Variants in CARMIL1 observed in about 807,000 individuals in gnomAD.
CARMIL1 encodes the protein capping protein regulator and myosin 1 linker 1, also known as F-actin-uncapping protein LRRC16A.
Under a neutral mutation model 177.1 loss-of-function variants are expected in CARMIL1, and 90 were observed. That is an observed-to-expected ratio of 0.51 (90% CI 0.43 to 0.61). CARMIL1 has a LOEUF of 0.61. Among genes scored for constraint, CARMIL1 ranks in the 20% least tolerant of loss-of-function variants. The pLI is 0.00. For synonymous variants in CARMIL1, 577 were observed against 606.2 expected (o/e 0.95, Z 0.71); for missense variants, 1,380 against 1,667.0 (o/e 0.83, Z 3.00).
At chr6:25,529,545 G>C (rs941196942) in intron 24 of CARMIL1, among the ~76,000 whole-genome samples, 1 of 152,036 alleles carries the variant, frequency 6.6e-6, no homozygotes, top group African/African-American at 2.4e-5. Context: ...ATGAACAAAG[G>C]AATTGAGCTC....
intron 2 of CARMIL1, among the ~76,000 whole-genome samples, chr6:25,401,931 C>T (rs978416784): frequency 4.6e-5 from 7 of 151,488 alleles, no homozygotes; most frequent in African/African-American, 7.3e-5. Flanking sequence ...TTAATCAGTC[C>T]GCATTTCTCA....
chr6:25,603,688 C>T (rs1469085053), intron 33 of CARMIL1, among the ~76,000 whole-genome samples: 2 of 152,170 alleles, frequency 1.3e-5, no homozygotes, highest in African/African-American at 4.8e-5. Flanking sequence ...TACTGGTCCA[C>T]AGTGTTTTTG....
chr6:25,600,597 A>G lies in CARMIL1; in HGVS notation c.3403A>G (p.Ser1135Gly). ...AAAAACACCTGACTCCTTTGAAGAGAGTCAAGGGGAAGAAATAGGGAAGGT... is the reference window on the plus strand; with the variant it reads ...AAAAACACCTGACTCCTTTGAAGAGGGTCAAGGGGAAGAAATAGGGAAGGT... ...EIKTPDSFEE[S>G]QGEEIGKVER... Residue 1135 changes from serine to glycine, a missense_variant, in exon 33 of 37, where the codon AGT becomes GGT. Coordinates refer to ENST00000329474, the MANE Select transcript of CARMIL1 (RefSeq NM_017640.6). The G allele has an allele frequency of 6.2e-7, 1 of 1,613,960 alleles. No homozygotes were observed. Among genetic ancestry groups the G allele is most frequent in the Non-Finnish European group, 8.5e-7 (1 of 1,179,882 alleles).
chr6:25,374,441 T>C (rs1009933566), intron 2 of CARMIL1, among the ~76,000 whole-genome samples: 1 of 152,228 alleles, frequency 6.6e-6, no homozygotes, highest in Non-Finnish European at 1.5e-5. Context: ...TTTTGTGGCC[T>C]ATCATATGAT....
Position 25,551,063 on chromosome 6 carries a change from A to G in CARMIL1, c.2482A>G (p.Ile828Val), listed in dbSNP as rs766000047. The G allele has an allele frequency of 3.1e-6, 5 of 1,612,922 alleles. No individual in the cohort carries two copies. Among genetic ancestry groups the G allele is most frequent in the Non-Finnish European group, 4.2e-6 (5 of 1,179,376 alleles). ...VKNVLLEQSG[I>V]DILNKISEVK... ...AAATGTCCTGTTGGAGCAGTCTGGA[A>G]TTGATATCCTTAACAAAATTAGGTA... The change falls in exon 27 of 37, where the codon ATT becomes GTT. Residue 828 changes from isoleucine to valine, a missense_variant. Coordinates refer to ENST00000329474, the MANE Select transcript of CARMIL1 (RefSeq NM_017640.6).
At chr6:25,588,823 C>G (rs530379488) in intron 31 of CARMIL1, among the ~76,000 whole-genome samples, 1 of 152,162 alleles carries the variant, frequency 6.6e-6, no homozygotes, top group Non-Finnish European at 1.5e-5. Flanking sequence ...ACTCAATATT[C>G]AAGGGAATAT....
At chr6:25,316,258 G>A (rs749660500) in intron 2 of CARMIL1, among the ~76,000 whole-genome samples, 3 of 152,150 alleles carry the variant, frequency 2.0e-5, no homozygotes, top group African/African-American at 7.2e-5. Flanking sequence ...ATTGCATGGT[G>A]TGAGGAGTGG....
chr6:25,527,039 TG>T (rs1465400389), intron 23 of CARMIL1, among the ~76,000 whole-genome samples: 1 of 152,218 alleles, frequency 6.6e-6, no homozygotes, highest in Non-Finnish European at 1.5e-5. Context: ...ACAGATTTTT[TG>T]TGTTTCGTTT....
intron 2 of CARMIL1, among the ~76,000 whole-genome samples, chr6:25,339,424 G>A (rs1044101574): frequency 6.6e-6 from 1 of 152,190 alleles, no homozygotes; most frequent in Non-Finnish European, 1.5e-5. Flanking sequence ...CACAGGGGAA[G>A]GACATCTTTT....
At chr6:25,520,096 T>A in intron 22 of CARMIL1, 148 bp from the exon 23 acceptor site, 1 of 488,598 alleles carries the variant, frequency 2.0e-6, no homozygotes, top group East Asian at 3.0e-5. Flanking sequence ...AAGGATAATC[T>A]GCAATCTAGG....
chr6:25,320,873 T>G (rs1328660830), intron 2 of CARMIL1, among the ~76,000 whole-genome samples: 1 of 152,216 alleles, frequency 6.6e-6, no homozygotes, highest in East Asian at 1.9e-4. Flanking sequence ...TAAAATACGC[T>G]AACACTAATG....
chr6:25,505,451 A>G (rs1489155522), intron 17 of CARMIL1, among the ~76,000 whole-genome samples: 1 of 151,876 alleles, frequency 6.6e-6, no homozygotes, highest in East Asian at 1.9e-4. Context: ...TGGATCTTTC[A>G]TTCTCTCTTT....
chr6:25,570,136 T>A (rs1230541507), intron 29 of CARMIL1, among the ~76,000 whole-genome samples: 1 of 152,152 alleles, frequency 6.6e-6, no homozygotes, highest in Non-Finnish European at 1.5e-5. Context: ...AGCTAATTTT[T>A]TGTATTTTTA....
At chr6:25,439,849 A>T (rs1797572416) in intron 5 of CARMIL1, among the ~76,000 whole-genome samples, 1 of 152,146 alleles carries the variant, frequency 6.6e-6, no homozygotes. Flanking sequence ...AAAATGGGAG[A>T]TAAAAGCATA....
chr6:25,550,124 C>T (rs111351063), intron 26 of CARMIL1, among the ~76,000 whole-genome samples: 5 of 152,316 alleles, frequency 3.3e-5, no homozygotes, highest in African/African-American at 9.6e-5. Context: ...CCATCTCAGA[C>T]AAATCATTTA....
In CARMIL1 at chr6:25,596,586, C is replaced by A. The variant is rs190871514; in HGVS notation, c.3119+2059C>A. On this transcript the variant is annotated intron_variant, in intron 32 of 36. Coordinates refer to ENST00000329474, the MANE Select transcript of CARMIL1 (RefSeq NM_017640.6). ...TTTCATTTTTAGATAGTACTGTAACCGCTAACTTCTTACTTAAATGATGAT... is the reference window on the plus strand; with the variant it reads ...TTTCATTTTTAGATAGTACTGTAACAGCTAACTTCTTACTTAAATGATGAT... 2.0e-5 allele frequency among the ~76,000 whole-genome samples: 3 copies of A among 151,924 alleles called. No homozygotes were observed. The East Asian group carries it at 5.8e-4, about 29-fold the overall frequency.
intron 2 of CARMIL1, among the ~76,000 whole-genome samples, chr6:25,357,908 G>T (rs1162091618): frequency 6.6e-6 from 1 of 152,158 alleles, no homozygotes; most frequent in Non-Finnish European, 1.5e-5. Context: ...TTATCTCAGA[G>T]TTTGAAATCG....
Position 25,449,980 on chromosome 6 carries a change from G to T in CARMIL1, c.454G>T (p.Glu152Ter). The change falls in exon 6 of 37, where the codon GAG becomes TAG. Residue 152 changes from glutamate (E) to a stop codon, truncating the protein, a stop_gained. Transcript: ENST00000329474. LOFTEE classifies it high-confidence loss of function. ...GCTGTGGGACAGCCAGACCGTGGCT[G>T]AGCAGGGCCCCTGTGGTGAGCATGC... ...QALWDSQTVA[E>*]QGPCGGFSQM... The T allele has an allele frequency of 1.9e-6, 3 of 1,610,116 alleles. No homozygotes were observed. Among genetic ancestry groups the T allele is most frequent in the South Asian group, 2.2e-5 (2 of 90,726 alleles).
chr6:25,472,592 C>T, intron 11 of CARMIL1, 71 bp downstream of exon 11: 3 of 1,242,050 alleles, frequency 2.4e-6, no homozygotes, highest in Non-Finnish European at 3.5e-6. Flanking sequence ...TTTAGCCATG[C>T]CTGAAGAGCT....
Sources: allele counts gnomAD v4.1 joint callset (sites outside exome capture counted in the v4.1 genomes callset), GRCh38; gene constraint gnomAD v4.1.1; transcripts MANE v1.5; gene names NCBI Gene and HGNC (gene_info 2026-07-23, HGNC 2026-07-21).